The following PTPRD variants were observed in gnomAD, a reference collection of about 807,000 sequenced individuals.
PTPRD encodes receptor-type tyrosine-protein phosphatase delta.
In PTPRD, 34 loss-of-function variants were observed where a neutral mutation model predicts 214.5. That is an observed-to-expected ratio of 0.16 (90% CI 0.12 to 0.21). The LOEUF is 0.21. PTPRD is among the 10% of genes least tolerant of loss of function. The pLI, the probability that PTPRD is intolerant of heterozygous loss-of-function variation, is 1.00. For synonymous variants in PTPRD, 1,128 were observed against 845.7 expected, an observed-to-expected ratio of 1.33 and a Z score of -5.79; for missense variants, 2,545 against 2,398.7, an observed-to-expected ratio of 1.06 and a Z score of -1.27.
intron 8 of PTPRD, among the ~76,000 whole-genome samples, chr9:9,463,380 G>A (rs185674710): frequency 1.3e-5 from 2 of 152,138 alleles, no homozygotes; most frequent in Non-Finnish European, 1.5e-5. Flanking sequence ...GGTTGGAAGA[G>A]GGAGGGAGGG....
chr9:8,367,346 T>C (rs1261639523), intron 39 of PTPRD, among the ~76,000 whole-genome samples: 1 of 152,164 alleles, frequency 6.6e-6, no homozygotes, highest in Non-Finnish European at 1.5e-5. Flanking sequence ...GGCGATTTTA[T>C]ATCCAAGGGG....
chr9:9,922,769 A>G (rs939859762), intron 5 of PTPRD, among the ~76,000 whole-genome samples: 1 of 152,040 alleles, frequency 6.6e-6, no homozygotes, highest in African/African-American at 2.4e-5. Flanking sequence ...AAACAGGGGG[A>G]ATTTTATCTT....
chr9:8,621,734 T>C (rs1404584014), intron 14 of PTPRD, among the ~76,000 whole-genome samples: 3 of 151,832 alleles, frequency 2.0e-5, no homozygotes, highest in Non-Finnish European at 4.4e-5. Flanking sequence ...GCACTTGATG[T>C]CAGTTTATAA....
chr9:9,685,418 T>C (rs1280304595), intron 7 of PTPRD, among the ~76,000 whole-genome samples: 3 of 151,380 alleles, frequency 2.0e-5, no homozygotes, highest in Non-Finnish European at 4.4e-5. Context: ...ACATTTTCAA[T>C]TGAGAGTAAA....
chr9:10,302,159 CCAAA>C (rs1202707041), intron 3 of PTPRD, among the ~76,000 whole-genome samples: 1 of 152,094 alleles, frequency 6.6e-6, no homozygotes, highest in Admixed American at 6.5e-5. Flanking sequence ...TCTTATCCAG[CCAAA>C]CAAAGCTTCA....
At chr9:9,469,077 A>T (rs2146366934) in intron 8 of PTPRD, among the ~76,000 whole-genome samples, 1 of 152,244 alleles carries the variant, frequency 6.6e-6, no homozygotes, top group East Asian at 1.9e-4. Flanking sequence ...TTTGGCCCAA[A>T]TTGGGATATG....
intron 5 of PTPRD, among the ~76,000 whole-genome samples, chr9:9,838,248 T>A (rs1262853374): frequency 6.6e-6 from 1 of 152,200 alleles, no homozygotes; most frequent in Admixed American, 6.5e-5. Flanking sequence ...TGTGTCTTTA[T>A]AGCAGCATGA....
At chr9:10,521,227 T>C (rs1312421973) in intron 2 of PTPRD, among the ~76,000 whole-genome samples, 5 of 152,066 alleles carry the variant, frequency 3.3e-5, no homozygotes, top group South Asian at 2.1e-4. Context: ...CTCTCACAGA[T>C]GACTTTCAGG....
At chr9:8,844,407 C>T (rs1465492197) in intron 11 of PTPRD, among the ~76,000 whole-genome samples, 4 of 152,172 alleles carry the variant, frequency 2.6e-5, no homozygotes, top group Non-Finnish European at 2.9e-5. Context: ...ATCACATTTA[C>T]ATTCCTTTTA....
Position 10,231,989 on chromosome 9 carries a change from A to AGTGTGTGTGTGT in PTPRD, c.-545+108962_-545+108973dup, listed in dbSNP as rs61314978. Among the ~76,000 whole-genome samples the AGTGTGTGTGTGT allele has an allele frequency of 4.7e-3, 437 of 92,450 alleles. 4 individuals carry two copies. Among genetic ancestry groups the AGTGTGTGTGTGT allele is most frequent in the Non-Finnish European group, 6.7e-3 (338 of 50,380 alleles). 60.7% of individuals were successfully genotyped at this position (92,450 alleles called of 152,430 possible). ...GAGAGAGAGAGAGAGAGAGAGAGAG[A>AGTGTGTGTGTGT]GTGTGTGTGTGTGTGTGTGTGTGTG... On this transcript the variant is annotated intron_variant, in intron 3 of 45. Transcript: ENST00000381196.
chr9:9,769,654 G>A (rs1407770223), intron 5 of PTPRD, among the ~76,000 whole-genome samples: 2 of 151,956 alleles, frequency 1.3e-5, no homozygotes, highest in Admixed American at 1.3e-4. Flanking sequence ...CACATGTGCA[G>A]AACTTGCAGG....
At chr9:10,321,299 T>C (rs2096548264) in intron 3 of PTPRD, among the ~76,000 whole-genome samples, 1 of 151,902 alleles carries the variant, frequency 6.6e-6, no homozygotes, top group African/African-American at 2.4e-5. Flanking sequence ...AGAAAACATC[T>C]CTGAGGAAAT....
At chr9:10,470,701 C>A (rs1012531822) in intron 2 of PTPRD, among the ~76,000 whole-genome samples, 4 of 152,144 alleles carry the variant, frequency 2.6e-5, no homozygotes, top group South Asian at 2.1e-4. Context: ...TTGTGACAAG[C>A]AAAACTGTTT....
chr9:9,449,359 A>G (rs891740021), intron 8 of PTPRD, among the ~76,000 whole-genome samples: 31 of 152,094 alleles, frequency 2.0e-4, no homozygotes, highest in Non-Finnish European at 4.0e-4. Context: ...GCAATTCTCC[A>G]TCTTGTACAT....
intron 8 of PTPRD, among the ~76,000 whole-genome samples, chr9:9,443,320 G>C (rs764435801): frequency 6.6e-6 from 1 of 152,152 alleles, no homozygotes; most frequent in Non-Finnish European, 1.5e-5. Context: ...AGTTAGCATT[G>C]TGACATGTAT....
At chr9:8,704,682 G>A (rs147676671) in intron 12 of PTPRD, among the ~76,000 whole-genome samples, 2 of 151,774 alleles carry the variant, frequency 1.3e-5, no homozygotes, top group African/African-American at 2.4e-5. Flanking sequence ...CAATTTAGAT[G>A]GTAAAAAGAA....
intron 9 of PTPRD, among the ~76,000 whole-genome samples, chr9:9,374,141 ATATT>A (rs1289101459): frequency 6.6e-6 from 1 of 152,064 alleles, no homozygotes; most frequent in East Asian, 1.9e-4. Flanking sequence ...TATTCCAGAA[ATATT>A]AAGTGACGAA....
At position 8,520,762 on chromosome 9, in the gene PTPRD, C is replaced by G. The variant is rs79453249; in HGVS notation, c.961+515G>C. Among the ~76,000 whole-genome samples the G allele has an allele frequency of 1.4e-4, 22 of 152,250 alleles. No individual in the cohort carries two copies. In the East Asian group the frequency reaches 3.9e-3, roughly 27 times the overall value. ...TGCAAGGTGAAAGATAAAACTACAACAGAATATACTCTTACTTGCCTTTTG... is the reference window on the plus strand; with the variant it reads ...TGCAAGGTGAAAGATAAAACTACAAGAGAATATACTCTTACTTGCCTTTTG... On this transcript the variant is annotated intron_variant, in intron 20 of 45. Coordinates refer to ENST00000381196, the MANE Select transcript of PTPRD (RefSeq NM_002839.4).
rs146313982 is a variant in PTPRD, at chr9:10,043,370, C to T, written c.-544-9580G>A. On this transcript the variant is annotated intron_variant, in intron 3 of 45. Transcript: ENST00000381196. ...GATAAAGAAAGCCATTTTCATATTC[C>T]AACTATAAAGCCCTCTCTTTAAATG... Among the ~76,000 whole-genome samples the T allele has an allele frequency of 2.5e-3, 387 of 151,840 alleles. 3 individuals are homozygous for T. Among genetic ancestry groups the T allele is most frequent in the African/African-American group, 9.1e-3 (378 of 41,474 alleles).
Sources: allele counts gnomAD v4.1 joint callset (sites outside exome capture counted in the v4.1 genomes callset), GRCh38; gene constraint gnomAD v4.1.1; transcripts MANE v1.5; gene names NCBI Gene and HGNC (gene_info 2026-07-23, HGNC 2026-07-21).